Variants in DOCK8 observed in about 807,000 individuals in gnomAD.
DOCK8 encodes dedicator of cytokinesis protein 8.
A neutral mutation model predicts 245.6 loss-of-function variants in DOCK8; 141 were observed. The ratio of observed to expected loss-of-function variants is 0.57; its 90% CI spans 0.50 to 0.66. The LOEUF (loss-of-function observed/expected upper bound fraction) is 0.66. Ranked by LOEUF, DOCK8 falls within the 30% of genes least tolerant of loss-of-function variation. DOCK8 has a pLI of 0.00. For missense variants in DOCK8, 2,965 were observed against 2,603.4 expected (o/e 1.14, Z -3.02); for synonymous variants, 1,168 against 970.2 (o/e 1.20, Z -3.79).
upstream of DOCK8, among the ~76,000 whole-genome samples, chr9:211,610 A>G (rs2046621136): frequency 6.6e-6 from 1 of 152,172 alleles, no homozygotes; most frequent in Admixed American, 6.5e-5. Context: ...CAAAGAAGTG[A>G]TATTTATAAG....
At chr9:355,229 G>A (rs1336161105) in intron 14 of DOCK8, among the ~76,000 whole-genome samples, 1 of 125,696 alleles carries the variant, frequency 8.0e-6, no homozygotes, top group Non-Finnish European at 1.6e-5. Context: ...TTTTGAGACA[G>A]AGTCTCGCTC....
At chr9:252,896 T>A (rs925168001) in intron 1 of DOCK8, among the ~76,000 whole-genome samples, 1 of 152,174 alleles carries the variant, frequency 6.6e-6, no homozygotes, top group Non-Finnish European at 1.5e-5. Context: ...AAACTACTTA[T>A]TATTGTCCTA....
intron 2 of DOCK8, among the ~76,000 whole-genome samples, chr9:274,220 G>A (rs944131014): frequency 5.3e-5 from 8 of 152,152 alleles, no homozygotes; most frequent in African/African-American, 1.9e-4. Flanking sequence ...CATTTTCTAA[G>A]ATATCAAGAA....
chr9:421,204 A>C (rs1271361264), intron 32 of DOCK8, 126 bp downstream of exon 32: 2 of 1,330,882 alleles, frequency 1.5e-6, no homozygotes, highest in Non-Finnish European at 2.1e-6. Flanking sequence ...TGTCAGAGAC[A>C]GCGGATTCTG....
intron 24 of DOCK8, among the ~76,000 whole-genome samples, chr9:393,416 A>C (rs1210668717): frequency 6.6e-6 from 1 of 152,192 alleles, no homozygotes; most frequent in African/African-American, 2.4e-5. Flanking sequence ...AAGCATTTTA[A>C]AGCATCATCT....
At chr9:458,733 C>T (rs981474701) in intron 46 of DOCK8, among the ~76,000 whole-genome samples, 4 of 152,096 alleles carry the variant, frequency 2.6e-5, no homozygotes, top group African/African-American at 9.7e-5. Flanking sequence ...ATCACTTGAG[C>T]CCAGGAGGCA....
At chr9:225,568 C>G (rs935339390) in intron 1 of DOCK8, among the ~76,000 whole-genome samples, 1 of 152,162 alleles carries the variant, frequency 6.6e-6, no homozygotes, top group African/African-American at 2.4e-5. Context: ...CTTATTCATT[C>G]ATTCATTTCA....
At chr9:277,457 G>GAGAAGAGAAGAGAAGAGA (rs1554651516) in intron 2 of DOCK8, among the ~76,000 whole-genome samples, 2 of 129,572 alleles carry the variant, frequency 1.5e-5, no homozygotes, top group East Asian at 4.1e-4. Flanking sequence ...AGAAGAGAAA[G>GAGAAGAGAAGAGAAGAGA]AGAGAAGAGA....
At chr9:234,246 G>A (rs936656695) in intron 1 of DOCK8, among the ~76,000 whole-genome samples, 6 of 152,186 alleles carry the variant, frequency 3.9e-5, no homozygotes, top group African/African-American at 1.4e-4. Flanking sequence ...CTGGCTTGTA[G>A]AGTTTCTGCC....
At chr9:371,321 A>C in intron 16 of DOCK8, 107 bp from the exon 17 acceptor site, 1 of 1,403,616 alleles carries the variant, frequency 7.1e-7, no homozygotes, top group Non-Finnish European at 1.0e-6. Flanking sequence ...AATGAAAAGC[A>C]AAACACCAGG....
rs372252884 is a variant in DOCK8 at position 354,591 on chromosome 9, A to G, written c.1680-13427A>G. Among the ~76,000 whole-genome samples, 3 of 152,308 alleles carry G rather than the reference A, an allele frequency of 2.0e-5. No homozygotes were observed. In the East Asian group the frequency reaches 5.8e-4, roughly 29 times the overall value. On this transcript the variant is annotated intron_variant, in intron 14 of 47. Coordinates refer to ENST00000432829, the MANE Select transcript of DOCK8 (RefSeq NM_203447.4). ...CTTGGTCTGAGCTTTCGAAAAGTGC[A>G]GTGAGGATGTCAGCCTAGGCTGCCG...
chr9:351,589 A>G (rs1365955231), intron 14 of DOCK8, among the ~76,000 whole-genome samples: 2 of 152,210 alleles, frequency 1.3e-5, no homozygotes, highest in African/African-American at 4.8e-5. Flanking sequence ...TTGACAAGTT[A>G]TCTTCTGTGC....
intron 43 of DOCK8, among the ~76,000 whole-genome samples, chr9:444,762 T>A (rs2057200152): frequency 6.6e-6 from 1 of 152,190 alleles, no homozygotes; most frequent in African/African-American, 2.4e-5. Flanking sequence ...ATTCTAAGTG[T>A]TTCTAAAGCT....
chr9:298,914 G>A (rs1444739492), intron 4 of DOCK8, among the ~76,000 whole-genome samples: 3 of 148,808 alleles, frequency 2.0e-5, no homozygotes, highest in Admixed American at 6.7e-5. Flanking sequence ...AAAAAAAAAG[G>A]CAAAGGGCAA....
rs541028997 is a variant in DOCK8, at chr9:365,401, G to T, written c.1680-2617G>T. 3.3e-5 allele frequency among the ~76,000 whole-genome samples: 5 copies of T among 152,254 alleles called. No individual in the cohort carries two copies. In the South Asian group the frequency reaches 6.2e-4, roughly 19 times the overall value. On this transcript the variant is annotated intron_variant, in intron 14 of 47. Coordinates refer to ENST00000432829, the MANE Select transcript of DOCK8 (RefSeq NM_203447.4). ...GTTTTTAGGGGGCTCTATAACTTCAGTATGTTTTCAGTGTTCACATTTGTA... is the reference window on the plus strand; with the variant it reads ...GTTTTTAGGGGGCTCTATAACTTCATTATGTTTTCAGTGTTCACATTTGTA...
intron 14 of DOCK8, among the ~76,000 whole-genome samples, chr9:344,799 G>T (rs1158893636): frequency 6.6e-6 from 1 of 152,108 alleles, no homozygotes; most frequent in African/African-American, 2.4e-5. Context: ...TATAATCCTA[G>T]CGCTTTCGGA....
chr9:226,779 A>G (rs142144724), intron 1 of DOCK8, among the ~76,000 whole-genome samples: 3 of 152,308 alleles, frequency 2.0e-5, no homozygotes, highest in South Asian at 2.1e-4. Flanking sequence ...TTCAAGTAGA[A>G]TTAGCTACTA....
intron 14 of DOCK8, among the ~76,000 whole-genome samples, chr9:355,378 T>C (rs1053405531): frequency 3.3e-5 from 5 of 151,866 alleles, no homozygotes; most frequent in Non-Finnish European, 7.4e-5. Context: ...TTATTTTTTG[T>C]ATTTTAGTAG....
chr9:382,663 TGAA>T lies in DOCK8; in HGVS notation c.2760_2762del (p.Lys920del), dbSNP rs1412185330. The T allele has an allele frequency of 1.2e-6, 2 of 1,614,040 alleles. No homozygotes were observed. The highest frequency in any genetic ancestry group is 8.5e-7 in the Non-Finnish European group (1 of 1,180,026). ...ACACACTCCGCAGCAGACGAGGAAGTGAAGAACATCATGTCTTCAAAGGTAGGA... is the reference window on the plus strand; with the variant it reads ...ACACACTCCGCAGCAGACGAGGAAGTGAACATCATGTCTTCAAAGGTAGGA... On this transcript the variant is annotated inframe_deletion, in exon 22 of 48. Coordinates refer to ENST00000432829, the MANE Select transcript of DOCK8 (RefSeq NM_203447.4).
Sources: allele counts gnomAD v4.1 joint callset (sites outside exome capture counted in the v4.1 genomes callset), GRCh38; gene constraint gnomAD v4.1.1; transcripts MANE v1.5; gene names NCBI Gene and HGNC (gene_info 2026-07-23, HGNC 2026-07-21).